CENPC: variants seen among roughly 807,000 people sequenced by gnomAD.
The protein encoded by CENPC is centromere protein C.
Under a neutral mutation model 112.1 loss-of-function variants are expected in CENPC, and 63 were observed. The ratio of observed to expected loss-of-function variants is 0.56; its 90% CI spans 0.46 to 0.69. CENPC has a LOEUF of 0.69. Ranked by LOEUF, CENPC falls within the 30% of genes least tolerant of loss-of-function variation. The pLI, the probability that CENPC is intolerant of heterozygous loss-of-function variation, is 0.00. For synonymous variants in CENPC, 333 were observed against 367.6 expected (o/e 0.91, Z 1.08); for missense variants, 1,000 against 1,103.8 (o/e 0.91, Z 1.33).
intron 16 of CENPC, among the ~76,000 whole-genome samples, chr4:67,491,527 AGCCT>A (rs1725280643): frequency 7.9e-6 from 1 of 126,438 alleles, no homozygotes; most frequent in Non-Finnish European, 1.7e-5. Context: ...AGAGAGAGAG[AGCCT>A]GGTTGTTAAA....
intron 4 of CENPC, among the ~76,000 whole-genome samples, chr4:67,536,370 A>G (rs1726719067): frequency 6.6e-6 from 1 of 152,244 alleles, no homozygotes; most frequent in African/African-American, 2.4e-5. Flanking sequence ...TCCAAATTTG[A>G]AGAAACAGAT....
chr4:67,540,561 T>C (rs1726859203), intron 3 of CENPC, among the ~76,000 whole-genome samples: 1 of 152,144 alleles, frequency 6.6e-6, no homozygotes, highest in African/African-American at 2.4e-5. Context: ...TCCCAGCTAC[T>C]TGGAAGGCTG....
chr4:67,528,008 C>T (rs1726434669), intron 5 of CENPC, among the ~76,000 whole-genome samples: 1 of 152,010 alleles, frequency 6.6e-6, no homozygotes, highest in South Asian at 2.1e-4. Context: ...CTAGCAAAGG[C>T]AAGAAGACTG....
intron 7 of CENPC, among the ~76,000 whole-genome samples, chr4:67,516,842 G>A (rs547877400): frequency 6.6e-6 from 1 of 152,094 alleles, no homozygotes; most frequent in South Asian, 2.1e-4. Flanking sequence ...ACAAGGAAAT[G>A]CAAGAAAGAC....
rs1560433195 is a variant in CENPC at position 67,512,576 on chromosome 4, TAAAG to T, written c.1445-11_1445-8del. The T allele has an allele frequency of 1.3e-6, 2 of 1,494,928 alleles. No homozygotes were observed. Among genetic ancestry groups the T allele is most frequent in the South Asian group, 2.8e-5 (2 of 72,106 alleles). 92.6% of individuals were successfully genotyped at this position (1,494,928 alleles called of 1,614,324 possible). On this transcript the variant is annotated splice_region_variant and splice_polypyrimidine_tract_variant and intron_variant, in intron 8 of 18. Transcript: ENST00000273853. ...GTGCTACTTTTCTTGCTTCCTAAAA[TAAAG>T]AAAACCATAAAACCAATTCACAATC...
At chr4:67,513,250 A>T (rs1323554528) in intron 8 of CENPC, among the ~76,000 whole-genome samples, 1 of 126,724 alleles carries the variant, frequency 7.9e-6, no homozygotes, top group East Asian at 2.7e-4. Context: ...TCCCAGTGAG[A>T]CATCTGACCC....
intron 4 of CENPC, among the ~76,000 whole-genome samples, chr4:67,539,382 T>C (rs888577708): frequency 6.6e-6 from 1 of 152,216 alleles, no homozygotes; most frequent in Admixed American, 6.5e-5. Flanking sequence ...CTTCAAATAC[T>C]TTATTTGAAA....
At chr4:67,486,543 C>T (rs912678791) in intron 17 of CENPC, among the ~76,000 whole-genome samples, 12 of 152,136 alleles carry the variant, frequency 7.9e-5, no homozygotes, top group African/African-American at 2.7e-4. Context: ...TCAATATTAG[C>T]GGTTCTCAAT....
intron 18 of CENPC, among the ~76,000 whole-genome samples, chr4:67,473,192 G>A (rs886655462): frequency 6.6e-6 from 1 of 151,964 alleles, no homozygotes; most frequent in Admixed American, 6.6e-5. Flanking sequence ...TTGCCTCCCT[G>A]AGAGCTGGGA....
intron 5 of CENPC, among the ~76,000 whole-genome samples, chr4:67,525,789 A>C (rs941491038): frequency 6.6e-6 from 1 of 152,212 alleles, no homozygotes; most frequent in African/African-American, 2.4e-5. Flanking sequence ...TAGAACCAGA[A>C]ATACCATTCA....
At chr4:67,537,986 A>AAAAT (rs559705114) in intron 4 of CENPC, among the ~76,000 whole-genome samples, 6 of 152,154 alleles carry the variant, frequency 3.9e-5, no homozygotes, top group East Asian at 3.9e-4. Context: ...CCTGTCTCAG[A>AAAAT]AAATAAATAA....
chr4:67,510,520 G>A (rs921429441), intron 9 of CENPC, among the ~76,000 whole-genome samples: 2 of 152,182 alleles, frequency 1.3e-5, no homozygotes, highest in Non-Finnish European at 2.9e-5. Flanking sequence ...CTATGGTGAA[G>A]CAAGAGTAGC....
chr4:67,498,574 A>T (rs1489798429), intron 12 of CENPC, among the ~76,000 whole-genome samples: 2 of 152,232 alleles, frequency 1.3e-5, no homozygotes, highest in African/African-American at 4.8e-5. Context: ...CCAGGAGTAG[A>T]TTCCAACTCA....
In CENPC at chr4:67,506,933, A is replaced by T. The variant is rs369006456; in HGVS notation, c.1906T>A (p.Ser636Thr). The change falls in exon 11 of 19, where the codon TCT (serine) becomes ACT (threonine). Residue 636 changes from serine (S) to threonine (T), a missense_variant and splice_region_variant. Physicochemically the swap from Ser to Thr is moderately conservative, Grantham distance 58 (BLOSUM62 1). Transcript: ENST00000273853. ...AKKKNLDCSR[S>T]TRSSKNEDNI... The stretch of plus-strand genomic sequence containing the variant: ...TCTTCATTCTTTGAGCTTCTTGTAG[A>T]TCTATAAAAATGATAAATGTATGAG... 2.6e-5 allele frequency: 42 copies of T among 1,597,092 alleles called. No individual in the cohort carries two copies. The highest frequency in any genetic ancestry group is 3.6e-5 in the Non-Finnish European group (42 of 1,173,736).
intron 5 of CENPC, among the ~76,000 whole-genome samples, chr4:67,529,765 T>C (rs1726490474): frequency 6.6e-6 from 1 of 152,174 alleles, no homozygotes; most frequent in Non-Finnish European, 1.5e-5. Flanking sequence ...TATTTGGAAT[T>C]GGATAAAACT....
rs1435392461 is a variant in CENPC at position 67,530,805 on chromosome 4, T to C, written c.331+10A>G. On this transcript the variant is annotated intron_variant, in intron 5 of 18. Transcript: ENST00000273853. ...TCCAAGCAAATAATGCCCATGGAGA[T>C]GGCACCAACCTGATCTGTTTGTGGC... 6.9e-7 allele frequency: 1 copy of C among 1,445,830 alleles called. No homozygotes were observed. The highest frequency in any genetic ancestry group is 9.5e-7 in the Non-Finnish European group (1 of 1,053,098). The allele number at this position is 1,445,830 out of a possible 1,614,324, so 89.6% of individuals were successfully genotyped here.
intron 5 of CENPC, among the ~76,000 whole-genome samples, chr4:67,530,336 A>T (rs1044162098): frequency 2.6e-5 from 4 of 152,184 alleles, no homozygotes; most frequent in Admixed American, 6.5e-5. Flanking sequence ...TATCAGGTAA[A>T]AGGTACTCTT....
intron 17 of CENPC, among the ~76,000 whole-genome samples, chr4:67,476,393 G>T (rs1724805585): frequency 6.6e-6 from 1 of 152,200 alleles, no homozygotes; most frequent in African/African-American, 2.4e-5. Flanking sequence ...TACTGGGGAA[G>T]CTGAAAATCC....
intron 17 of CENPC, among the ~76,000 whole-genome samples, chr4:67,480,127 C>A (rs1261771217): frequency 6.6e-6 from 1 of 152,140 alleles, no homozygotes; most frequent in Non-Finnish European, 1.5e-5. Context: ...CAAAACCAGG[C>A]TGGCCAACAT....
Sources: gnomAD v4.1 joint callset for allele counts (sites outside exome capture counted in the v4.1 genomes callset) on GRCh38, gnomAD v4.1.1 for gene constraint, MANE v1.5 for transcripts, NCBI Gene and HGNC (gene_info 2026-07-23, HGNC 2026-07-21) for gene names.